SLMAP: variants seen among roughly 807,000 people sequenced by gnomAD.
The protein encoded by SLMAP is sarcolemmal membrane-associated protein.
SLMAP carries 44 observed loss-of-function variants against 128.8 expected under a neutral mutation model. That is an observed-to-expected ratio of 0.34 (90% CI 0.27 to 0.44). SLMAP has a LOEUF of 0.44. Ranked by LOEUF, SLMAP falls within the 20% of genes least tolerant of loss-of-function variation. The probability of loss-of-function intolerance (pLI) is 1.00; values close to 1 mark genes in which losing one functional copy is unlikely to be tolerated. For synonymous variants in SLMAP, 327 were observed against 348.8 expected, an observed-to-expected ratio of 0.94 and a Z score of 0.70; for missense variants, 787 against 985.3, an observed-to-expected ratio of 0.80 and a Z score of 2.69.
At chr3:57,807,805 C>A (rs2090182378) in intron 2 of SLMAP, among the ~76,000 whole-genome samples, 1 of 152,162 alleles carries the variant, frequency 6.6e-6, no homozygotes, top group South Asian at 2.1e-4. Context: ...AGGGAGAAAT[C>A]CCTCCTTTTC....
intron 2 of SLMAP, among the ~76,000 whole-genome samples, chr3:57,821,487 A>G (rs959270350): frequency 2.6e-5 from 4 of 152,246 alleles, no homozygotes; most frequent in South Asian, 2.1e-4. Flanking sequence ...CAGTGGCACA[A>G]TTAAAAATTC....
At chr3:57,898,843 T>A (rs1352957958) in intron 17 of SLMAP, 1 of 152,342 alleles carries the variant, frequency 6.6e-6, no homozygotes, top group Admixed American at 6.5e-5. Flanking sequence ...CTTGGCAAAT[T>A]GCTTAACTGC....
chr3:57,844,320 G>A (rs1347639504), intron 4 of SLMAP, among the ~76,000 whole-genome samples: 3 of 151,928 alleles, frequency 2.0e-5, no homozygotes, highest in Admixed American at 6.6e-5. Flanking sequence ...CTTGAACCCC[G>A]GAGGCGGAAG....
At chr3:57,860,925 A>G in intron 9 of SLMAP, 86 bp downstream of exon 9, 1 of 1,095,770 alleles carries the variant, frequency 9.1e-7, no homozygotes. Flanking sequence ...AAACTTGGGT[A>G]TTATTATATA....
At chr3:57,871,723 T>A (rs894789800) in intron 14 of SLMAP, 25 bp downstream of exon 14, 41 of 1,555,746 alleles carry the variant, frequency 2.6e-5, no homozygotes, top group Non-Finnish European at 3.5e-5. Flanking sequence ...TTTTTCACAT[T>A]GATTTTAATG....
chr3:57,781,649 C>A (rs1324265358), intron 2 of SLMAP, among the ~76,000 whole-genome samples: 2 of 150,380 alleles, frequency 1.3e-5, no homozygotes, highest in African/African-American at 4.9e-5. Flanking sequence ...GGCAGGAAGT[C>A]TTTTCATTGT....
intron 2 of SLMAP, chr3:57,800,963 A>G (rs1035100776): frequency 1.0e-5 from 3 of 285,742 alleles, no homozygotes; most frequent in East Asian, 9.3e-5. Flanking sequence ...CTTGGCATAC[A>G]TATGCATTGA....
intron 2 of SLMAP, among the ~76,000 whole-genome samples, chr3:57,795,928 T>C (rs1197232119): frequency 1.3e-5 from 2 of 152,206 alleles, no homozygotes; most frequent in Non-Finnish European, 2.9e-5. Context: ...ATATAGTATT[T>C]GTCCTGATAG....
At chr3:57,825,821 G>A (rs954282749) in intron 2 of SLMAP, among the ~76,000 whole-genome samples, 1 of 152,176 alleles carries the variant, frequency 6.6e-6, no homozygotes, top group Non-Finnish European at 1.5e-5. Context: ...TTTTGTGCTG[G>A]AGAGGGGGAT....
At chr3:57,859,146 A>C (rs543827322) in intron 8 of SLMAP, among the ~76,000 whole-genome samples, 36 of 152,196 alleles carry the variant, frequency 2.4e-4, no homozygotes, top group Non-Finnish European at 4.6e-4. Context: ...CAACATGGCG[A>C]AACCCCGTCT....
chr3:57,792,588 T>C (rs2085726324), intron 2 of SLMAP, among the ~76,000 whole-genome samples: 1 of 152,190 alleles, frequency 6.6e-6, no homozygotes, highest in Admixed American at 6.5e-5. Context: ...GGGGATTTTA[T>C]ATTCTATATT....
intron 2 of SLMAP, among the ~76,000 whole-genome samples, chr3:57,811,249 TCCTC>T (rs948690557): frequency 6.6e-6 from 1 of 152,142 alleles, no homozygotes; most frequent in African/African-American, 2.4e-5. Flanking sequence ...CTCCATTTTT[TCCTC>T]CCTCCAGTCC....
intron 3 of SLMAP, among the ~76,000 whole-genome samples, chr3:57,836,175 T>G (rs916784606): frequency 3.9e-5 from 6 of 152,078 alleles, no homozygotes; most frequent in African/African-American, 1.4e-4. Flanking sequence ...GTTAGACATA[T>G]ATATCTCTAG....
At chr3:57,815,099 T>C (rs936383386) in intron 2 of SLMAP, among the ~76,000 whole-genome samples, 9 of 152,132 alleles carry the variant, frequency 5.9e-5, no homozygotes, top group African/African-American at 1.9e-4. Context: ...AAGGAATGGT[T>C]TCAAGATGAA....
chr3:57,765,928 C>G (rs529229463), intron 2 of SLMAP, among the ~76,000 whole-genome samples: 114 of 151,390 alleles, frequency 7.5e-4, no homozygotes, highest in African/African-American at 2.3e-3. Context: ...TTTTTTCCCA[C>G]TTAGTTCTTT....
chr3:57,862,336 C>G (rs1051260975), intron 10 of SLMAP, among the ~76,000 whole-genome samples: 3 of 149,622 alleles, frequency 2.0e-5, no homozygotes, highest in Admixed American at 2.0e-4. Flanking sequence ...AACAAACAAA[C>G]AAACAAACAA....
At position 57,913,144 on chromosome 3, in the gene SLMAP, T is replaced by C; in HGVS notation, c.2021-14T>C. 1 of 1,132,366 alleles carries C rather than the reference T, an allele frequency of 8.8e-7. No individual in the cohort carries two copies. The highest frequency in any genetic ancestry group is 1.3e-6 in the Non-Finnish European group (1 of 751,848). 70.1% of individuals were successfully genotyped at this position (1,132,366 alleles called of 1,614,324 possible). On this transcript the variant is annotated splice_polypyrimidine_tract_variant and intron_variant, in intron 20 of 24. Coordinates refer to ENST00000671191, the MANE Select transcript of SLMAP (RefSeq NM_001377540.1). ...TATTTCTGTATTAACAAATATGTTTTGGGACTATTTTAGGTGAACTAGAGA... is the reference window on the plus strand; with the variant it reads ...TATTTCTGTATTAACAAATATGTTTCGGGACTATTTTAGGTGAACTAGAGA...
intron 17 of SLMAP, among the ~76,000 whole-genome samples, chr3:57,906,292 ATTTTTTTCTTTTTTTTTCTTTT>A (rs2096539873): frequency 2.5e-5 from 2 of 78,754 alleles, no homozygotes; most frequent in Admixed American, 3.1e-4. Context: ...CCAGAATCAA[ATTTTTTTCTTTTTTTTTCTTTT>A]TTTTTTTTTT....
At chr3:57,831,666 A>G in intron 3 of SLMAP, 136 bp downstream of exon 3, 1 of 535,686 alleles carries the variant, frequency 1.9e-6, no homozygotes, top group Non-Finnish European at 3.0e-6. Context: ...GTGAAAAGTT[A>G]AAAGTCTCAT....
Sources: gnomAD v4.1 joint callset for allele counts (sites outside exome capture counted in the v4.1 genomes callset) on GRCh38, gnomAD v4.1.1 for gene constraint, MANE v1.5 for transcripts, NCBI Gene and HGNC (gene_info 2026-07-23, HGNC 2026-07-21) for gene names.